ZNF148: variants seen among roughly 807,000 people sequenced by gnomAD.
ZNF148 encodes the protein Beta-Enolase Repressor Factor-1.
A neutral mutation model predicts 67.7 loss-of-function variants in ZNF148; 7 were observed. The ratio of observed to expected loss-of-function variants is 0.10; its 90% CI spans 0.06 to 0.19. The LOEUF is 0.19. Among genes scored for constraint, ZNF148 ranks in the 10% least tolerant of loss-of-function variants. The probability of loss-of-function intolerance (pLI) is 1.00; values close to 1 mark genes in which losing one functional copy is unlikely to be tolerated. For missense variants in ZNF148, 583 were observed against 947.1 expected, an observed-to-expected ratio of 0.62 and a Z score of 5.05; for synonymous variants, 333 against 330.7, an observed-to-expected ratio of 1.01 and a Z score of -0.08.
At position 125,228,479 on chromosome 3, in the gene ZNF148, A is replaced by C. The variant is rs1935725724; in HGVS notation, c.*3862T>G. ...AAATAAGGATAATTAATAACTCTGA[A>C]ATGTTTTTAGAACTTTCCTGATGCT... is the stretch of plus-strand genomic sequence containing the variant. On this transcript the variant is annotated 3_prime_UTR_variant, in exon 9 of 9. Transcript: ENST00000360647. 1 of 152,630 alleles carries C rather than the reference A, an allele frequency of 6.6e-6. No individual in the cohort carries two copies. Among genetic ancestry groups the C allele is most frequent in the Admixed American group, 6.5e-5 (1 of 15,278 alleles). 9.5% of individuals were successfully genotyped at this position (152,630 alleles called of 1,614,324 possible). A position where few individuals can be genotyped will look rare whatever the true frequency, so the allele number is the denominator to read the frequency against.
chr3:125,273,204 CT>C (rs1233937633), intron 7 of ZNF148, among the ~76,000 whole-genome samples: 1 of 152,172 alleles, frequency 6.6e-6, no homozygotes, highest in East Asian at 1.9e-4. Flanking sequence ...ATTAGCCCAA[CT>C]GGTTTACAAA....
intron 7 of ZNF148, among the ~76,000 whole-genome samples, chr3:125,239,238 A>T (rs1936236031): frequency 6.6e-6 from 1 of 152,256 alleles, no homozygotes; most frequent in Non-Finnish European, 1.5e-5. Flanking sequence ...AAGTGAAGAC[A>T]TAACTCCAGA....
At chr3:125,242,744 C>T (rs1179544718) in intron 7 of ZNF148, among the ~76,000 whole-genome samples, 1 of 152,204 alleles carries the variant, frequency 6.6e-6, no homozygotes, top group Non-Finnish European at 1.5e-5. Context: ...GATGGCTATC[C>T]AGTTTCCCCA....
At chr3:125,279,279 G>C in intron 5 of ZNF148, 32 bp from the exon 6 acceptor site, 1 of 1,410,004 alleles carries the variant, frequency 7.1e-7, no homozygotes, top group Non-Finnish European at 9.4e-7. Context: ...AAAAACAAAA[G>C]AAATAAGTTT....
chr3:125,260,814 T>G lies in ZNF148; in HGVS notation c.667+16912A>C, dbSNP rs556196289. On this transcript the variant is annotated intron_variant, in intron 7 of 8. Coordinates refer to ENST00000360647, the MANE Select transcript of ZNF148 (RefSeq NM_021964.3). Reference sequence around the variant, plus strand: ...ATTTCCCTTCATGGAAAACGAAGATTTAAACTACCTATACATACCTAAACA... The same window carrying G: ...ATTTCCCTTCATGGAAAACGAAGATGTAAACTACCTATACATACCTAAACA... 8.5e-5 allele frequency among the ~76,000 whole-genome samples: 13 copies of G among 152,312 alleles called. No individual in the cohort carries two copies. The South Asian group carries it at 2.5e-3, about 29-fold the overall frequency.
chr3:125,266,857 A>T (rs1252826610), intron 7 of ZNF148, among the ~76,000 whole-genome samples: 1 of 152,108 alleles, frequency 6.6e-6, no homozygotes, highest in Non-Finnish European at 1.5e-5. Flanking sequence ...CAGAAACAAC[A>T]AAAGTGACAT....
At chr3:125,270,083 T>C (rs1038212387) in intron 7 of ZNF148, among the ~76,000 whole-genome samples, 1 of 152,048 alleles carries the variant, frequency 6.6e-6, no homozygotes, top group Non-Finnish European at 1.5e-5. Flanking sequence ...TGTAAGAAAC[T>C]TGCATATGTA....
chr3:125,307,656 C>CT (rs953524274), intron 4 of ZNF148, among the ~76,000 whole-genome samples: 7 of 151,000 alleles, frequency 4.6e-5, no homozygotes, highest in South Asian at 2.1e-4. Context: ...ACACCTAATT[C>CT]TTTTTTTTGA....
intron 5 of ZNF148, among the ~76,000 whole-genome samples, chr3:125,281,549 GGCT>G (rs1938387649): frequency 2.0e-5 from 3 of 152,118 alleles, no homozygotes; most frequent in African/African-American, 7.2e-5. Context: ...TGCAAGGAAA[GGCT>G]TTGTAAAGAA....
At chr3:125,330,108 A>G (rs1941220719) in intron 2 of ZNF148, among the ~76,000 whole-genome samples, 1 of 152,212 alleles carries the variant, frequency 6.6e-6, no homozygotes, top group Non-Finnish European at 1.5e-5. Context: ...AGATATGGTA[A>G]AAACAGGAAA....
At chr3:125,322,024 C>T (rs1240578354) in intron 3 of ZNF148, among the ~76,000 whole-genome samples, 2 of 128,994 alleles carry the variant, frequency 1.6e-5, no homozygotes, top group Non-Finnish European at 3.2e-5. Context: ...AAATAATCAA[C>T]GGCTTTTTTT....
At chr3:125,306,986 CAG>C (rs1191765405) in intron 4 of ZNF148, among the ~76,000 whole-genome samples, 1 of 150,424 alleles carries the variant, frequency 6.6e-6, no homozygotes, top group Non-Finnish European at 1.5e-5. Context: ...TTTCAGAAAA[CAG>C]AGAAGGAAAC....
chr3:125,339,493 T>A (rs534276914), intron 1 of ZNF148, among the ~76,000 whole-genome samples: 1 of 152,358 alleles, frequency 6.6e-6, no homozygotes, highest in East Asian at 1.9e-4. Flanking sequence ...ATTCTGTTTA[T>A]GTGTAGACGC....
chr3:125,357,256 T>G (rs563817108), intron 1 of ZNF148: 31 of 153,540 alleles, frequency 2.0e-4, no homozygotes, highest in African/African-American at 7.2e-4. Context: ...CGCCAGCTTC[T>G]CCGCGCCCCT....
chr3:125,346,199 A>G (rs1941935303), intron 1 of ZNF148, among the ~76,000 whole-genome samples: 1 of 152,224 alleles, frequency 6.6e-6, no homozygotes, highest in South Asian at 2.1e-4. Context: ...CACCACATCA[A>G]TAGAACAAAG....
chr3:125,368,412 C>A (rs1942766454), intron 1 of ZNF148, among the ~76,000 whole-genome samples: 1 of 152,168 alleles, frequency 6.6e-6, no homozygotes, highest in Admixed American at 6.5e-5. Context: ...GAAGCTATCA[C>A]CCCTGTTCAA....
chr3:125,315,277 A>G (rs950934096), intron 3 of ZNF148, among the ~76,000 whole-genome samples: 1 of 152,194 alleles, frequency 6.6e-6, no homozygotes, highest in African/African-American at 2.4e-5. Flanking sequence ...CAAAAACTCC[A>G]TATCCTTAAT....
intron 7 of ZNF148, among the ~76,000 whole-genome samples, chr3:125,263,884 C>T (rs111425094): frequency 5.9e-5 from 9 of 152,266 alleles, no homozygotes; most frequent in African/African-American, 1.9e-4. Flanking sequence ...TGAGTAGAAG[C>T]CTAGAAATTT....
chr3:125,300,936 G>A (rs1939555356), intron 4 of ZNF148, among the ~76,000 whole-genome samples: 1 of 138,438 alleles, frequency 7.2e-6, no homozygotes, highest in Non-Finnish European at 1.6e-5. Flanking sequence ...GGTCTGATAA[G>A]TGTAAAATGG....
Sources: allele counts gnomAD v4.1 joint callset (sites outside exome capture counted in the v4.1 genomes callset), GRCh38; gene constraint gnomAD v4.1.1; transcripts MANE v1.5; gene names NCBI Gene and HGNC (gene_info 2026-07-23, HGNC 2026-07-21).